Variants in ZFAT observed in about 807,000 individuals in gnomAD.
The protein encoded by ZFAT is zinc finger and AT-hook domain containing.
A neutral mutation model predicts 117.7 loss-of-function variants in ZFAT; 64 were observed. The ratio of observed to expected loss-of-function variants is 0.54; its 90% CI spans 0.44 to 0.67. ZFAT has a LOEUF of 0.67. Ranked by LOEUF, ZFAT falls within the 30% of genes least tolerant of loss-of-function variation. The probability of loss-of-function intolerance (pLI) is 0.00; values close to 1 mark genes in which losing one functional copy is unlikely to be tolerated. For synonymous variants in ZFAT, 679 were observed against 615.0 expected, an observed-to-expected ratio of 1.10 and a Z score of -1.54; for missense variants, 1,433 against 1,584.5, an observed-to-expected ratio of 0.90 and a Z score of 1.62.
chr8:134,710,986 C>T (rs1813970770), intron 1 of ZFAT, among the ~76,000 whole-genome samples: 1 of 152,200 alleles, frequency 6.6e-6, no homozygotes, highest in South Asian at 2.1e-4. Context: ...GGTACCTAAG[C>T]GGCACAGCAG....
chr8:134,639,138 A>C (rs964550127), intron 2 of ZFAT, among the ~76,000 whole-genome samples: 44 of 152,216 alleles, frequency 2.9e-4, no homozygotes, highest in Non-Finnish European at 1.8e-4. Flanking sequence ...TCAGAGAGGG[A>C]GGCCACAGGG....
chr8:134,506,354 G>A (rs764241809), intron 15 of ZFAT, among the ~76,000 whole-genome samples: 9 of 152,212 alleles, frequency 5.9e-5, no homozygotes, highest in Non-Finnish European at 8.8e-5. Context: ...GATTCTTTCT[G>A]AGCGTTGGGA....
chr8:134,683,061 T>C (rs1197551225), intron 1 of ZFAT, among the ~76,000 whole-genome samples: 1 of 152,242 alleles, frequency 6.6e-6, no homozygotes, highest in Non-Finnish European at 1.5e-5. Context: ...TCATAACATA[T>C]TGAGTTTGTT....
the ZFAT span, chr8:134,765,890 C>T: frequency 6.6e-6 from 1 of 152,164 alleles, no homozygotes; most frequent in Admixed American, 6.5e-5. Flanking sequence ...GTTCAGCTTC[C>T]AGGTTAGTGC....
chr8:134,718,971 T>G, the ZFAT span, among the ~76,000 whole-genome samples: 17 of 152,134 alleles, frequency 1.1e-4, no homozygotes, highest in Non-Finnish European at 1.5e-5. Flanking sequence ...TGCTCTGCAG[T>G]GCATCCTTGA....
the ZFAT span, among the ~76,000 whole-genome samples, chr8:134,758,745 C>A: frequency 6.6e-6 from 1 of 152,228 alleles, no homozygotes; most frequent in Non-Finnish European, 1.5e-5. Flanking sequence ...ACAAGACCAC[C>A]CTTTGTTGCA....
intron 15 of ZFAT, among the ~76,000 whole-genome samples, chr8:134,489,064 G>A (rs1316751088): frequency 6.6e-6 from 1 of 151,736 alleles, no homozygotes; most frequent in Non-Finnish European, 1.5e-5. Context: ...AGACCATCAG[G>A]AACCAGATCA....
chr8:134,748,943 A>G, the ZFAT span, among the ~76,000 whole-genome samples: 2 of 151,388 alleles, frequency 1.3e-5, no homozygotes, highest in South Asian at 4.2e-4. Flanking sequence ...TATTTCTCAT[A>G]TATTCTGTAT....
At chr8:134,693,648 C>G (rs1833690201) in intron 1 of ZFAT, among the ~76,000 whole-genome samples, 1 of 151,992 alleles carries the variant, frequency 6.6e-6, no homozygotes. Flanking sequence ...GAGAAGACAA[C>G]TAGTAAATGC....
At chr8:134,484,903 C>T (rs1188423407) in intron 15 of ZFAT, among the ~76,000 whole-genome samples, 1 of 152,206 alleles carries the variant, frequency 6.6e-6, no homozygotes, top group Admixed American at 6.5e-5. Context: ...TCAAGAGTTC[C>T]TCCCGCCTCA....
intron 15 of ZFAT, among the ~76,000 whole-genome samples, chr8:134,497,508 G>T (rs13258706): frequency 0.086 from 5,430 of 63,276 alleles, 490 homozygotes; most frequent in Non-Finnish European, 0.12. Flanking sequence ...GGTGGAGCCG[G>T]GATGCCCCAG....
chr8:134,601,661 A>G lies in ZFAT; in HGVS notation c.2058T>C (p.Pro686=). The G allele has an allele frequency of 6.2e-7, 1 of 1,614,078 alleles. No homozygotes were observed. Among genetic ancestry groups the G allele is most frequent in the African/African-American group, 1.3e-5 (1 of 75,028 alleles). The change falls in exon 6 of 16, where the codon CCT becomes CCC. Residue 686 remains proline (P), a synonymous_variant. Transcript: ENST00000377838. ...SNPAEASDLL[P]PVAGGGDTIT... ...TGGTGTCCCCACCACCAGCTACTGG[A>G]GGGAGGAGGTCTGAGGCCTCAGCTG...
chr8:134,583,899 G>A lies in ZFAT; in HGVS notation c.2820C>T (p.Asp940=). The A allele has an allele frequency of 6.2e-7, 1 of 1,611,534 alleles. No individual in the cohort carries two copies. Among genetic ancestry groups the A allele is most frequent in the East Asian group, 2.2e-5 (1 of 44,838 alleles). The change falls in exon 10 of 16, where the codon GAC becomes GAT. Residue 940 remains aspartate (D), a synonymous_variant. Coordinates refer to ENST00000377838, the MANE Select transcript of ZFAT (RefSeq NM_020863.4). ...TTGATTTGAATTTCTTGCCACACAT[G>A]TCACATAGGTGGGTTTTCTCAGTGC... ...RHSTEKTHLC[D]MCGKKFKSKG...
the ZFAT span, among the ~76,000 whole-genome samples, chr8:134,778,866 A>G: frequency 2.0e-5 from 3 of 152,226 alleles, no homozygotes; most frequent in Admixed American, 6.5e-5. Flanking sequence ...CAATGGCTAT[A>G]TTGGAGAGTC....
the ZFAT span, among the ~76,000 whole-genome samples, chr8:134,734,009 C>CCCTTAAACTTT: frequency 1.3e-5 from 2 of 152,240 alleles, no homozygotes; most frequent in Non-Finnish European, 2.9e-5. Context: ...CTGGATGAAA[C>CCCTTAAACTTT]CCTTAAACTT....
chr8:134,630,390 C>T (rs572514802), intron 3 of ZFAT, among the ~76,000 whole-genome samples: 1 of 152,318 alleles, frequency 6.6e-6, no homozygotes, highest in East Asian at 1.9e-4. Context: ...CACTCAAAAA[C>T]ATTTTCAGTC....
At chr8:134,692,690 T>A (rs1312926849) in intron 1 of ZFAT, among the ~76,000 whole-genome samples, 1 of 152,222 alleles carries the variant, frequency 6.6e-6, no homozygotes, top group Non-Finnish European at 1.5e-5. Flanking sequence ...TAACCATAAT[T>A]GCACTGAAAT....
chr8:134,779,703 G>GA, the ZFAT span, among the ~76,000 whole-genome samples: 10 of 152,004 alleles, frequency 6.6e-5, no homozygotes, highest in African/African-American at 2.4e-4. Context: ...TTCAAAGTTA[G>GA]AAAAAAAGCC....
chr8:134,721,176 T>A, the ZFAT span, among the ~76,000 whole-genome samples: 1 of 152,170 alleles, frequency 6.6e-6, no homozygotes, highest in Non-Finnish European at 1.5e-5. Flanking sequence ...GACAACGTTG[T>A]GCCCTGAGCT....
Sources: gnomAD v4.1 joint callset for allele counts (sites outside exome capture counted in the v4.1 genomes callset) on GRCh38, gnomAD v4.1.1 for gene constraint, MANE v1.5 for transcripts, NCBI Gene and HGNC (gene_info 2026-07-23, HGNC 2026-07-21) for gene names.